CSMD1: variants seen among roughly 807,000 people sequenced by gnomAD.
CSMD1 encodes CUB and sushi domain-containing protein 1.
In CSMD1, 213 loss-of-function variants were observed where a neutral mutation model predicts 417.5. That is an observed-to-expected ratio of 0.51 (90% CI 0.46 to 0.57). CSMD1 has a LOEUF of 0.57. CSMD1 is among the 20% of genes least tolerant of loss of function. The probability of loss-of-function intolerance (pLI) is 0.00; values close to 1 mark genes in which losing one functional copy is unlikely to be tolerated. For synonymous variants in CSMD1, 2,862 were observed against 1,736.8 expected (o/e 1.65, Z -16.11); for missense variants, 6,923 against 4,529.7 (o/e 1.53, Z -15.17).
At chr8:4,298,305 C>A (rs117668135) in intron 3 of CSMD1, among the ~76,000 whole-genome samples, 1 of 152,126 alleles carries the variant, frequency 6.6e-6, no homozygotes, top group Non-Finnish European at 1.5e-5. Context: ...GATTCCTTTA[C>A]TGTTATTCTC....
At chr8:4,060,023 A>C (rs1302052136) in intron 3 of CSMD1, among the ~76,000 whole-genome samples, 1 of 152,234 alleles carries the variant, frequency 6.6e-6, no homozygotes, top group African/African-American at 2.4e-5. Flanking sequence ...TCCTTGATGA[A>C]GTTTGATGCA....
chr8:4,631,345 G>A (rs1205860111), intron 2 of CSMD1, among the ~76,000 whole-genome samples: 7 of 152,012 alleles, frequency 4.6e-5, no homozygotes, highest in African/African-American at 1.7e-4. Context: ...CTGGGAGACA[G>A]GGCAAGATTC....
chr8:3,889,936 C>A (rs73661017), intron 5 of CSMD1, among the ~76,000 whole-genome samples: 1 of 152,072 alleles, frequency 6.6e-6, no homozygotes, highest in African/African-American at 2.4e-5. Context: ...TAGTCTCAGA[C>A]GGTTGGATGG....
Position 3,934,652 on chromosome 8 carries a change from G to C in CSMD1, c.818+63251C>G, listed in dbSNP as rs150984355. On this transcript the variant is annotated intron_variant, in intron 5 of 69. Coordinates refer to ENST00000635120, the MANE Select transcript of CSMD1 (RefSeq NM_033225.6). ...GTAGATCACCTCAGGTCAGGAGTTC[G>C]AGACCAGCCTGGCCAACATGATGAA... 1.4e-4 allele frequency among the ~76,000 whole-genome samples: 21 copies of C among 152,068 alleles called. No homozygotes were observed. The East Asian group carries it at 3.5e-3, about 25-fold the overall frequency.
At chr8:4,589,224 T>G (rs185112460) in intron 2 of CSMD1, among the ~76,000 whole-genome samples, 1 of 152,164 alleles carries the variant, frequency 6.6e-6, no homozygotes, top group African/African-American at 2.4e-5. Flanking sequence ...AAGAACTACA[T>G]TTTTCTATAT....
In CSMD1 at chr8:2,937,482, T is replaced by C. The variant is rs1156940572; in HGVS notation, c.*1103A>G. On this transcript the variant is annotated 3_prime_UTR_variant, in exon 70 of 70. Coordinates refer to ENST00000635120, the MANE Select transcript of CSMD1 (RefSeq NM_033225.6). Reference sequence around the variant, plus strand: ...AAAAAAACACTGCAAAAGGGAAGGCTGCATTGTGAGCTAAAACCCACAAGT... The same window carrying C: ...AAAAAAACACTGCAAAAGGGAAGGCCGCATTGTGAGCTAAAACCCACAAGT... 2.0e-5 allele frequency: 3 copies of C among 150,052 alleles called. No individual in the cohort carries two copies. Among genetic ancestry groups the C allele is most frequent in the Admixed American group, 2.0e-4 (3 of 15,062 alleles). 9.3% of individuals were successfully genotyped at this position (150,052 alleles called of 1,614,324 possible). A position where few individuals can be genotyped will look rare whatever the true frequency, so the allele number is the denominator to read the frequency against.
In CSMD1 at chr8:3,354,624, CCATT is replaced by C. The variant is rs568166340; in HGVS notation, c.3304+4524_3304+4527del. Among the ~76,000 whole-genome samples, 11 of 151,908 alleles carry C rather than the reference CCATT, an allele frequency of 7.2e-5. No individual in the cohort carries two copies. The South Asian group carries it at 2.1e-3, about 29-fold the overall frequency. ...TTCACAAAATGGTACTATTTTTAGC[CCATT>C]CATTATCCTATAAACCTTTATTTTT... is the stretch of plus-strand genomic sequence containing the variant. On this transcript the variant is annotated intron_variant, in intron 21 of 69. Coordinates refer to ENST00000635120, the MANE Select transcript of CSMD1 (RefSeq NM_033225.6).
Position 3,277,778 on chromosome 8 carries a change from A to C in CSMD1, c.4153+6366T>G, listed in dbSNP as rs560229020. Reference sequence around the variant, plus strand: ...CTGGGAGGCTGGCTGGTGTTTCCTTAGGAGTACCAGAATTGGACATTTATT... The same window carrying C: ...CTGGGAGGCTGGCTGGTGTTTCCTTCGGAGTACCAGAATTGGACATTTATT... On this transcript the variant is annotated intron_variant, in intron 26 of 69. Transcript: ENST00000635120. 4.6e-5 allele frequency among the ~76,000 whole-genome samples: 7 copies of C among 152,284 alleles called. No individual in the cohort carries two copies. The South Asian group carries it at 1.4e-3, about 32-fold the overall frequency.
At chr8:4,783,174 A>G (rs1797237209) in intron 1 of CSMD1, among the ~76,000 whole-genome samples, 1 of 152,230 alleles carries the variant, frequency 6.6e-6, no homozygotes. Context: ...GAAATTTTGT[A>G]GATAGTTGAA....
At chr8:4,160,294 G>C (rs536003928) in intron 3 of CSMD1, among the ~76,000 whole-genome samples, 2 of 151,986 alleles carry the variant, frequency 1.3e-5, no homozygotes, top group Non-Finnish European at 2.9e-5. Context: ...ACTGAATTTA[G>C]GAAACTCTCC....
At chr8:4,625,813 T>C (rs973865843) in intron 2 of CSMD1, among the ~76,000 whole-genome samples, 5 of 152,018 alleles carry the variant, frequency 3.3e-5, no homozygotes, top group African/African-American at 1.2e-4. Context: ...AATCTCTGCC[T>C]CCCAAGTTCA....
chr8:3,829,810 G>A (rs914581699), intron 5 of CSMD1, among the ~76,000 whole-genome samples: 1 of 151,978 alleles, frequency 6.6e-6, no homozygotes, highest in South Asian at 2.1e-4. Context: ...ACACTTCTTT[G>A]GCCACTGAAT....
At chr8:4,977,993 T>A (rs1810663581) in intron 1 of CSMD1, among the ~76,000 whole-genome samples, 1 of 152,204 alleles carries the variant, frequency 6.6e-6, no homozygotes, top group African/African-American at 2.4e-5. Context: ...GTTTCCCTGT[T>A]GATGTGTGCT....
chr8:3,780,241 T>C (rs73658260), intron 5 of CSMD1, among the ~76,000 whole-genome samples: 22,594 of 152,202 alleles, frequency 0.15, 2,356 homozygotes, highest in African/African-American at 0.28. Context: ...CAAATCAGCA[T>C]TGTCTGGTTC....
intron 1 of CSMD1, among the ~76,000 whole-genome samples, chr8:4,810,041 T>G (rs1214115008): frequency 6.6e-6 from 1 of 152,232 alleles, no homozygotes; most frequent in Non-Finnish European, 1.5e-5. Flanking sequence ...TAGCTCAATA[T>G]AAATGTTATA....
At chr8:3,741,993 T>TTA (rs1554528204) in intron 6 of CSMD1, among the ~76,000 whole-genome samples, 1 of 151,700 alleles carries the variant, frequency 6.6e-6, no homozygotes, top group Non-Finnish European at 1.5e-5. Context: ...TTTTTTTTTT[T>TTA]AACCCTGCAA....
At chr8:4,239,765 G>C (rs1287496675) in intron 3 of CSMD1, among the ~76,000 whole-genome samples, 1 of 152,260 alleles carries the variant, frequency 6.6e-6, no homozygotes, top group East Asian at 1.9e-4. Context: ...GATGACAATG[G>C]TCTATCTTTC....
At chr8:2,950,749 G>T (rs1414516828) in intron 66 of CSMD1, among the ~76,000 whole-genome samples, 1 of 152,126 alleles carries the variant, frequency 6.6e-6, no homozygotes, top group Non-Finnish European at 1.5e-5. Flanking sequence ...AATCGAGGCT[G>T]TTTTATTTTA....
intron 4 of CSMD1, among the ~76,000 whole-genome samples, chr8:4,024,929 T>C (rs192379374): frequency 6.6e-6 from 1 of 151,664 alleles, no homozygotes; most frequent in East Asian, 1.9e-4. Context: ...AAAGGTGGTG[T>C]TCAGGTGAGG....
Sources: gnomAD v4.1 joint callset for allele counts (sites outside exome capture counted in the v4.1 genomes callset) on GRCh38, gnomAD v4.1.1 for gene constraint, MANE v1.5 for transcripts, NCBI Gene and HGNC (gene_info 2026-07-23, HGNC 2026-07-21) for gene names.